GAPDHS: variants seen among roughly 807,000 people sequenced by gnomAD.
GAPDHS encodes glyceraldehyde-3-phosphate dehydrogenase, spermatogenic.
Under a neutral mutation model 48.7 loss-of-function variants are expected in GAPDHS, and 42 were observed. The ratio of observed to expected loss-of-function variants is 0.86; its 90% CI spans 0.67 to 1.12. The LOEUF (loss-of-function observed/expected upper bound fraction) is 1.12, where lower values mean the gene tolerates loss of function less well. Ranked by LOEUF, GAPDHS falls within the 50% of genes most tolerant of loss-of-function variation. The pLI, the probability that GAPDHS is intolerant of heterozygous loss-of-function variation, is 0.00. For missense variants in GAPDHS, 512 were observed against 557.7 expected, an observed-to-expected ratio of 0.92 and a Z score of 0.82; for synonymous variants, 166 against 219.1, an observed-to-expected ratio of 0.76 and a Z score of 2.14.
chr19:35,542,839 A>C (rs956609935), intron 6 of GAPDHS, 106 bp from the exon 7 acceptor site: 5 of 862,802 alleles, frequency 5.8e-6, no homozygotes, highest in Non-Finnish European at 9.8e-6. Flanking sequence ...CCTCATCCTG[A>C]CGTTTCATAA....
At position 35,545,160 on chromosome 19, in the gene GAPDHS, G is replaced by A. The variant is rs1161113467; in HGVS notation, c.1217G>A (p.Arg406Gln). 4.3e-6 allele frequency: 7 copies of A among 1,613,278 alleles called. No homozygotes were observed. Among genetic ancestry groups the A allele is most frequent in the Non-Finnish European group, 5.9e-6 (7 of 1,179,204 alleles). Residue 406 changes from arginine (R) to glutamine (Q), a missense_variant, in exon 11 of 11, where the codon CGA becomes CAA. By Grantham distance (43) the Arg-to-Gln change is conservative (BLOSUM62 1). Coordinates refer to ENST00000222286, the MANE Select transcript of GAPDHS (RefSeq NM_014364.5). ...VVDLLRYMFS[R>Q]DK ...GACCTCCTCCGCTACATGTTCAGCC[G>A]AGACAAGTGAAACGGGAAGGTCCTT... is the stretch of plus-strand genomic sequence containing the variant.
chr19:35,533,990 C>T (rs1185563040), intron 1 of GAPDHS, among the ~76,000 whole-genome samples: 3 of 152,194 alleles, frequency 2.0e-5, no homozygotes, highest in Non-Finnish European at 2.9e-5. Flanking sequence ...GTGAGCTTTG[C>T]CCTCCCTGTG....
chr19:35,533,673 A>G, intron 1 of GAPDHS, 79 bp downstream of exon 1: 1 of 1,099,920 alleles, frequency 9.1e-7, no homozygotes, highest in Non-Finnish European at 1.3e-6. Context: ...CCTGTGCCGT[A>G]TCCCTACCGC....
chr19:35,542,134 G>A (rs2071507444), intron 4 of GAPDHS, 185 bp from the exon 5 acceptor site: 2 of 603,302 alleles, frequency 3.3e-6, no homozygotes, highest in Admixed American at 5.5e-5. Context: ...CTGAAGTGGG[G>A]CAGTGGTGAA....
intron 3 of GAPDHS, 57 bp from the exon 4 acceptor site, chr19:35,538,518 ACT>A: frequency 7.9e-7 from 1 of 1,267,804 alleles, no homozygotes; most frequent in Non-Finnish European, 1.1e-6. Flanking sequence ...CAAAGAGGGG[ACT>A]CTCTAGGGAT....
At chr19:35,537,935 G>A (rs1453967048) in intron 2 of GAPDHS, among the ~76,000 whole-genome samples, 1 of 152,146 alleles carries the variant, frequency 6.6e-6, no homozygotes, top group African/African-American at 2.4e-5. Flanking sequence ...AATTAGCCAG[G>A]TGTGGTGGTA....
rs1433892240 is a variant in GAPDHS, at chr19:35,536,848, G to A, written c.103G>A (p.Glu35Lys). Residue 35 changes from glutamate to lysine, a missense_variant, in exon 2 of 11, where the codon GAA (glutamate) becomes AAA (lysine). By Grantham distance (56) the Glu-to-Lys change is moderately conservative. Transcript: ENST00000222286. ...RAPPPPEPKA[E>K]VEPQPQPEPT... The stretch of plus-strand genomic sequence containing the variant: ...ACCGCCCCCACCTGAGCCTAAGGCT[G>A]AAGTAGAGCCCCAGCCACAACCAGA... The A allele has an allele frequency of 1.9e-6, 3 of 1,613,660 alleles. No homozygotes were observed. The East Asian group carries it at 6.7e-5, about 36-fold the overall frequency.
Position 35,542,409 on chromosome 19 carries a change from G to T in GAPDHS, c.540G>T (p.Ser180=). 6.2e-7 allele frequency: 1 copy of T among 1,610,230 alleles called. No individual in the cohort carries two copies. Among genetic ancestry groups the T allele is most frequent in the Non-Finnish European group, 8.5e-7 (1 of 1,176,622 alleles). ...TGTACCTCTCCATACAGGCAGCTTC[G>T]GTAAGCTGGGGAGAGGTGCCCAGGG... ...TGVYLSIQAA[S]DHISAGAQRV... The change falls in exon 5 of 11, where the codon TCG becomes TCT. Residue 180 remains serine, a splice_region_variant and synonymous_variant. Coordinates refer to ENST00000222286, the MANE Select transcript of GAPDHS (RefSeq NM_014364.5).
chr19:35,539,030 C>T (rs1384592681), intron 4 of GAPDHS, among the ~76,000 whole-genome samples: 2 of 152,164 alleles, frequency 1.3e-5, no homozygotes, highest in South Asian at 2.1e-4. Context: ...CCTCCCACCT[C>T]GGCCTCCCAA....
Position 35,536,966 on chromosome 19 carries a change from G to A in GAPDHS, c.221G>A (p.Arg74Gln), listed in dbSNP as rs542179159. Residue 74 changes from arginine (R) to glutamine (Q), a missense_variant, in exon 2 of 11, where the codon CGG becomes CAG. By Grantham distance (43) the Arg-to-Gln change is conservative. Transcript: ENST00000222286. The stretch of plus-strand genomic sequence containing the variant: ...CCTCCTAAGATGGTGTCTGTGGCCC[G>A]GGAGCTGACTGTGGGCATCAATGGG... ...TPPPKMVSVA[R>Q]ELTVGINGFG... is the part of the protein sequence containing the mutation. 2.4e-5 allele frequency: 39 copies of A among 1,613,804 alleles called. No individual in the cohort carries two copies. The East Asian group carries it at 4.7e-4, about 19-fold the overall frequency.
chr19:35,542,398 C>T lies in GAPDHS; in HGVS notation c.529C>T (p.Gln177Ter). The T allele has an allele frequency of 6.2e-7, 1 of 1,602,374 alleles. No individual in the cohort carries two copies. The highest frequency in any genetic ancestry group is 8.5e-7 in the Non-Finnish European group (1 of 1,169,614). Residue 177 changes from glutamine to a stop codon, truncating the protein, a stop_gained, in exon 5 of 11, where the codon CAG (glutamine) becomes TAG (stop). Coordinates refer to ENST00000222286, the MANE Select transcript of GAPDHS (RefSeq NM_014364.5). LOFTEE classifies it high-confidence loss of function. ...GTCCACAGGCGTGTACCTCTCCATA[C>T]AGGCAGCTTCGGTAAGCTGGGGAGA... ...VESTGVYLSI[Q>*]AASDHISAGA... is the part of the protein sequence containing the mutation.
At chr19:35,542,781 C>T (rs1331838368) in intron 6 of GAPDHS, 164 bp from the exon 7 acceptor site, 1 of 719,396 alleles carries the variant, frequency 1.4e-6, no homozygotes, top group African/African-American at 1.7e-5. Context: ...CCCAGCTGCA[C>T]CTCAGTGCCT....
intron 9 of GAPDHS, chr19:35,544,029 C>A: frequency 2.1e-6 from 2 of 965,836 alleles, no homozygotes; most frequent in Non-Finnish European, 1.4e-6. Context: ...TCTGTCCTTA[C>A]TTCCTCCAAG....
At chr19:35,538,431 G>C (rs751355181) in intron 3 of GAPDHS, 28 bp downstream of exon 3, 5 of 1,289,738 alleles carry the variant, frequency 3.9e-6, no homozygotes, top group Middle Eastern at 1.8e-4. Context: ...GGCAGGAACA[G>C]CAGGGTGGGA....
chr19:35,544,954 G>A lies in GAPDHS; in HGVS notation c.1102G>A (p.Asp368Asn), dbSNP rs1237719005. Residue 368 changes from aspartate (D) to asparagine (N), a missense_variant, in exon 10 of 11, where the codon GAT (aspartate) becomes AAT (asparagine). Physicochemically the swap from Asp to Asn is conservative, Grantham distance 23 (BLOSUM62 1). Transcript: ENST00000222286. ...CGGTGATACCCACTCGTCCATCTTCGATGCTAAGGCCGGCATTGCGCTCAA... is the reference window on the plus strand; with the variant it reads ...CGGTGATACCCACTCGTCCATCTTCAATGCTAAGGCCGGCATTGCGCTCAA... Reference protein sequence around the residue: ...FLGDTHSSIFDAKAGIALNDN... With the variant: ...FLGDTHSSIFNAKAGIALNDN... 6.2e-7 allele frequency: 1 copy of A among 1,613,824 alleles called. No homozygotes were observed. Among genetic ancestry groups the A allele is most frequent in the Non-Finnish European group, 8.5e-7 (1 of 1,179,834 alleles).
At chr19:35,535,103 G>A (rs1310330469) in intron 1 of GAPDHS, among the ~76,000 whole-genome samples, 1 of 152,220 alleles carries the variant, frequency 6.6e-6, no homozygotes, top group Non-Finnish European at 1.5e-5. Context: ...CAAATCCACA[G>A]AGCAGCAGGT....
intron 1 of GAPDHS, among the ~76,000 whole-genome samples, chr19:35,536,022 G>T (rs905724872): frequency 6.6e-6 from 1 of 151,976 alleles, no homozygotes; most frequent in Non-Finnish European, 1.5e-5. Context: ...TTACAGGTGT[G>T]AGCCACCACG....
In GAPDHS at chr19:35,543,842, G is replaced by C; in HGVS notation, c.1056+15G>C. On this transcript the variant is annotated intron_variant, in intron 9 of 10. Coordinates refer to ENST00000222286, the MANE Select transcript of GAPDHS (RefSeq NM_014364.5). The stretch of plus-strand genomic sequence containing the variant: ...CCGAGGATGAGGTAGGGGCTGAGGA[G>C]AGGAGACCCTGGGAGGAGCCCTCTG... 1 of 1,592,714 alleles carries C rather than the reference G, an allele frequency of 6.3e-7. No homozygotes were observed. Among genetic ancestry groups the C allele is most frequent in the South Asian group, 1.1e-5 (1 of 89,264 alleles).
intron 2 of GAPDHS, among the ~76,000 whole-genome samples, chr19:35,537,424 G>C (rs1190454361): frequency 1.3e-5 from 2 of 152,178 alleles, no homozygotes; most frequent in East Asian, 3.9e-4. Flanking sequence ...TATGTTCAGG[G>C]ACAGCCAGGA....
Sources: allele counts gnomAD v4.1 joint callset (sites outside exome capture counted in the v4.1 genomes callset), GRCh38; gene constraint gnomAD v4.1.1; transcripts MANE v1.5; gene names NCBI Gene and HGNC (gene_info 2026-07-23, HGNC 2026-07-21).